Variants in RBFOX1 observed in about 807,000 individuals in gnomAD.
The protein encoded by RBFOX1 is RNA binding fox-1 homolog 1.
Under a neutral mutation model 57.7 loss-of-function variants are expected in RBFOX1, and 8 were observed. The ratio of observed to expected loss-of-function variants is 0.14; its 90% CI spans 0.08 to 0.25. The LOEUF is 0.25. Ranked by LOEUF, RBFOX1 falls within the 10% of genes least tolerant of loss-of-function variation. The pLI, the probability that RBFOX1 is intolerant of heterozygous loss-of-function variation, is 1.00. For missense variants in RBFOX1, 611 were observed against 548.5 expected, an observed-to-expected ratio of 1.11 and a Z score of -1.14; for synonymous variants, 326 against 222.4, an observed-to-expected ratio of 1.47 and a Z score of -4.15.
chr16:5,480,727 C>T (rs1396635693), intron 2 of RBFOX1, among the ~76,000 whole-genome samples: 1 of 152,162 alleles, frequency 6.6e-6, no homozygotes, highest in East Asian at 1.9e-4. Flanking sequence ...CTTTGTTTCC[C>T]TTTGTCTTGT....
chr16:6,063,305 C>G (rs761705147), intron 1 of RBFOX1, among the ~76,000 whole-genome samples: 1 of 151,982 alleles, frequency 6.6e-6, no homozygotes. Context: ...GTCTCCCAGG[C>G]CAGGCTACCT....
intron 3 of RBFOX1, among the ~76,000 whole-genome samples, chr16:5,656,014 T>G (rs1047911726): frequency 6.6e-6 from 1 of 152,244 alleles, no homozygotes; most frequent in African/African-American, 2.4e-5. Flanking sequence ...GTTGGACTTG[T>G]AGTACGTGCT....
chr16:6,861,823 G>GTTTTTTTTTTT (rs35138717), intron 3 of RBFOX1, among the ~76,000 whole-genome samples: 1 of 92,456 alleles, frequency 1.1e-5, no homozygotes, highest in Non-Finnish European at 1.9e-5. Flanking sequence ...GCGTCCCTTG[G>GTTTTTTTTTTT]TTTTTTTTTT....
chr16:6,748,283 A>G (rs574326472), intron 3 of RBFOX1, among the ~76,000 whole-genome samples: 2 of 151,810 alleles, frequency 1.3e-5, no homozygotes, highest in South Asian at 2.1e-4. Context: ...CTCTCTCTCT[A>G]CACACACACA....
intron 3 of RBFOX1, among the ~76,000 whole-genome samples, chr16:6,683,751 A>G (rs769949725): frequency 6.6e-6 from 1 of 152,204 alleles, no homozygotes; most frequent in Admixed American, 6.5e-5. Context: ...GGTAGTGCCC[A>G]TCAGAGATGG....
intron 2 of RBFOX1, among the ~76,000 whole-genome samples, chr16:6,608,243 T>A (rs565618222): frequency 1.3e-5 from 2 of 152,196 alleles, no homozygotes; most frequent in Non-Finnish European, 2.9e-5. Flanking sequence ...GTTTGTGTTA[T>A]AATCATTAAT....
chr16:5,284,173 A>G (rs955474606), intron 1 of RBFOX1, among the ~76,000 whole-genome samples: 5 of 152,134 alleles, frequency 3.3e-5, no homozygotes, highest in African/African-American at 1.2e-4. Context: ...GCCTTCCACC[A>G]TGATTTTGAG....
intron 1 of RBFOX1, among the ~76,000 whole-genome samples, chr16:6,226,718 C>T (rs1180624374): frequency 6.6e-6 from 1 of 152,102 alleles, no homozygotes; most frequent in African/African-American, 2.4e-5. Context: ...CATTATCTTG[C>T]TGGCTGTAGG....
At chr16:5,500,197 A>T (rs2043143529) in intron 2 of RBFOX1, among the ~76,000 whole-genome samples, 1 of 113,960 alleles carries the variant, frequency 8.8e-6, no homozygotes, top group Non-Finnish European at 1.6e-5. Flanking sequence ...CCCTCCCTTC[A>T]TTCCATTCCA....
chr16:6,752,856 C>G (rs2075177577), intron 3 of RBFOX1, among the ~76,000 whole-genome samples: 1 of 151,770 alleles, frequency 6.6e-6, no homozygotes, highest in South Asian at 2.1e-4. Context: ...TCTCTGTCAG[C>G]CTCTCTGCTC....
intron 4 of RBFOX1, among the ~76,000 whole-genome samples, chr16:7,062,134 G>T (rs6500909): frequency 0.15 from 22,628 of 151,484 alleles, 1,822 homozygotes; most frequent in African/African-American, 0.21. Context: ...TGGCTAACAC[G>T]GTGAAACCCC....
intron 3 of RBFOX1, among the ~76,000 whole-genome samples, chr16:6,916,404 C>T (rs1033878458): frequency 7.9e-5 from 12 of 151,948 alleles, no homozygotes; most frequent in African/African-American, 2.2e-4. Flanking sequence ...TTTCATTTCT[C>T]TTGAATATAT....
chr16:6,761,784 C>G (rs74580784), intron 3 of RBFOX1, among the ~76,000 whole-genome samples: 1 of 151,892 alleles, frequency 6.6e-6, no homozygotes, highest in Non-Finnish European at 1.5e-5. Flanking sequence ...GGATTACAGG[C>G]ATGAGCCACC....
At chr16:7,364,376 G>A (rs1596501658) in intron 4 of RBFOX1, among the ~76,000 whole-genome samples, 1 of 152,222 alleles carries the variant, frequency 6.6e-6, no homozygotes, top group East Asian at 1.9e-4. Flanking sequence ...GAAAAAAAAT[G>A]ACTACATTAT....
chr16:6,805,948 C>T (rs758774701), intron 3 of RBFOX1, among the ~76,000 whole-genome samples: 5 of 152,106 alleles, frequency 3.3e-5, no homozygotes, highest in Non-Finnish European at 5.9e-5. Context: ...CATAGAATTC[C>T]AAAAGCCAAG....
At chr16:5,598,996 T>C in exon 3 of RBFOX1, 1 of 1,484,470 alleles carries the variant, frequency 6.7e-7, no homozygotes, top group Non-Finnish European at 9.1e-7. Context: ...AGATTAGATT[T>C]TGAAACTACT....
At chr16:6,719,971 A>G (rs1568344924) in intron 3 of RBFOX1, among the ~76,000 whole-genome samples, 1 of 151,876 alleles carries the variant, frequency 6.6e-6, no homozygotes, top group Non-Finnish European at 1.5e-5. Flanking sequence ...GCAGGCGTCT[A>G]TAATCCCAGC....
intron 4 of RBFOX1, among the ~76,000 whole-genome samples, chr16:7,185,207 C>G (rs2083477484): frequency 6.6e-6 from 1 of 152,142 alleles, no homozygotes; most frequent in Admixed American, 6.5e-5. Flanking sequence ...CTCTCTCTCT[C>G]TCTGCAGATT....
chr16:5,820,696 G>T (rs565972629), intron 3 of RBFOX1, among the ~76,000 whole-genome samples: 1 of 152,164 alleles, frequency 6.6e-6, no homozygotes, highest in Non-Finnish European at 1.5e-5. Context: ...ACCCTGAATT[G>T]TTGGGACGCG....
Sources: gnomAD v4.1 joint callset for allele counts (sites outside exome capture counted in the v4.1 genomes callset) on GRCh38, gnomAD v4.1.1 for gene constraint, MANE v1.5 for transcripts, NCBI Gene and HGNC (gene_info 2026-07-23, HGNC 2026-07-21) for gene names.